Variants in LMNB1 observed in about 807,000 individuals in gnomAD.
The protein encoded by LMNB1 is lamin-B1.
Under a neutral mutation model 67.1 loss-of-function variants are expected in LMNB1, and 23 were observed. The ratio of observed to expected loss-of-function variants is 0.34; its 90% CI spans 0.25 to 0.49. LMNB1 has a LOEUF of 0.49. LMNB1 is among the 20% of genes least tolerant of loss of function. The probability of loss-of-function intolerance (pLI) is 0.99; values close to 1 mark genes in which losing one functional copy is unlikely to be tolerated. For missense variants in LMNB1, 634 were observed against 746.5 expected (o/e 0.85, Z 1.76); for synonymous variants, 281 against 282.9 (o/e 0.99, Z 0.07).
chr5:126,807,876 T>TTTTTGTTTTTC (rs563617524), intron 3 of LMNB1, among the ~76,000 whole-genome samples: 8,392 of 48,288 alleles, frequency 0.17, 261 homozygotes, highest in Middle Eastern at 0.29. Flanking sequence ...TTTTGTTTTT[T>TTTTTGTTTTTC]TTAACTCTTT....
At chr5:126,793,792 C>T (rs1314018642) in intron 1 of LMNB1, among the ~76,000 whole-genome samples, 1 of 152,102 alleles carries the variant, frequency 6.6e-6, no homozygotes, top group African/African-American at 2.4e-5. Context: ...AGGAGAATCA[C>T]TTAAACCCGG....
chr5:126,779,308 G>C (rs1245211659), intron 1 of LMNB1, among the ~76,000 whole-genome samples: 1 of 152,126 alleles, frequency 6.6e-6, no homozygotes, highest in Non-Finnish European at 1.5e-5. Flanking sequence ...ATCCCTTTTT[G>C]TTTTTATTTC....
chr5:126,836,893 G>A lies in LMNB1; in HGVS notation c.*629G>A, dbSNP rs761208282. The A allele has an allele frequency of 5.0e-6, 2 of 397,246 alleles. No homozygotes were observed. The highest frequency in any genetic ancestry group is 8.9e-6 in the Non-Finnish European group (2 of 225,716). The allele number at this position is 397,246 out of a possible 1,614,324, so 24.6% of individuals were successfully genotyped here. A position where few individuals can be genotyped will look rare whatever the true frequency, so the allele number is the denominator to read the frequency against. On this transcript the variant is annotated 3_prime_UTR_variant, in exon 11 of 11. Transcript: ENST00000261366. ...TAGATTCTTAATTCATGAGGAGGGT[G>A]GGGGAGGGAGGTGGAGGGAGGGAAG...
rs1561742458 is a variant in LMNB1 at position 126,800,969 on chromosome 5, AT to A, written c.360-3806del. Reference sequence around the variant, plus strand: ...AGCCAGACTATATATATATATATATATATATATATATAATTTTTTTTTTTTT... The same window carrying A: ...AGCCAGACTATATATATATATATATAATATATATATAATTTTTTTTTTTTT... On this transcript the variant is annotated intron_variant, in intron 1 of 10. Transcript: ENST00000261366. 4.5e-3 allele frequency among the ~76,000 whole-genome samples: 273 copies of A among 60,878 alleles called. 3 individuals carry two copies. Among genetic ancestry groups the A allele is most frequent in the African/African-American group, 0.012 (240 of 19,396 alleles). The allele number at this position is 60,878 out of a possible 152,430, so 39.9% of individuals were successfully genotyped here.
upstream of LMNB1, chr5:126,776,849 G>C (rs1317869763): frequency 6.6e-6 from 1 of 152,222 alleles, no homozygotes; most frequent in African/African-American, 2.4e-5. Flanking sequence ...AGCCGCGCGG[G>C]TGGGCAGTCC....
At chr5:126,782,642 T>G (rs1750659126) in intron 1 of LMNB1, among the ~76,000 whole-genome samples, 1 of 152,014 alleles carries the variant, frequency 6.6e-6, no homozygotes, top group African/African-American at 2.4e-5. Flanking sequence ...CTCTGCCTCC[T>G]GGGTTCAAGC....
rs375398453 is a variant in LMNB1 at position 126,819,116 on chromosome 5, G to A, written c.1134G>A (p.Arg378=). Residue 378 remains arginine, a synonymous_variant, in exon 6 of 11, where the codon AGG becomes AGA. Coordinates refer to ENST00000261366, the MANE Select transcript of LMNB1 (RefSeq NM_005573.4). ...TGGACATGGAAATCAGTGCTTACAG[G>A]AAACTCTTAGAAGGCGAAGAAGAGA... ...LALDMEISAY[R]KLLEGEEERL... The A allele has an allele frequency of 8.7e-6, 14 of 1,613,880 alleles. No individual in the cohort carries two copies. In the African/African-American group the frequency reaches 1.7e-4, roughly 20 times the overall value.
At chr5:126,783,148 C>T (rs1030417044) in intron 1 of LMNB1, among the ~76,000 whole-genome samples, 3 of 151,832 alleles carry the variant, frequency 2.0e-5, no homozygotes, top group Non-Finnish European at 4.4e-5. Flanking sequence ...TGTAGTGAGC[C>T]AAGATCGTAC....
At chr5:126,820,866 G>A (rs775533775) in intron 6 of LMNB1, 44 bp from the exon 7 acceptor site, 3 of 1,393,158 alleles carry the variant, frequency 2.2e-6, no homozygotes, top group Admixed American at 3.6e-5. Flanking sequence ...GGCGAGAAGG[G>A]CATATGTGTT....
chr5:126,777,284 C>G lies in LMNB1; in HGVS notation c.-225C>G, dbSNP rs1750480540. ...GTGTTTTCTTACAAAGGGTATTTCG[C>G]GATCGATCGATTGATTCGTAGTTCC... On this transcript the variant is annotated 5_prime_UTR_variant, in exon 1 of 11. Transcript: ENST00000261366. 1 of 383,856 alleles carries G rather than the reference C, an allele frequency of 2.6e-6. No individual in the cohort carries two copies. Among genetic ancestry groups the G allele is most frequent in the Admixed American group, 4.6e-5 (1 of 21,556 alleles). 23.8% of individuals were successfully genotyped at this position (383,856 alleles called of 1,614,324 possible). A position where few individuals can be genotyped will look rare whatever the true frequency, so the allele number is the denominator to read the frequency against.
chr5:126,830,050 T>C (rs60612178), intron 9 of LMNB1, among the ~76,000 whole-genome samples: 3,268 of 152,380 alleles, frequency 0.021, 59 homozygotes, highest in African/African-American at 0.052. Context: ...CTTATATATG[T>C]AGAGATGCAA....
intron 1 of LMNB1, among the ~76,000 whole-genome samples, chr5:126,804,140 A>G (rs902441810): frequency 4.0e-5 from 6 of 151,068 alleles, no homozygotes; most frequent in African/African-American, 1.5e-4. Flanking sequence ...TTGTGCAGTC[A>G]TGGCTCACTG....
Position 126,821,149 on chromosome 5 carries a change from C to A in LMNB1, c.1386+14C>A, listed in dbSNP as rs373583264. Reference sequence around the variant, plus strand: ...ACTTCTGAACAGGTAATAAAATAGACCCTTTTTTTTCTAGCAAGGCTTTGT... The same window carrying A: ...ACTTCTGAACAGGTAATAAAATAGAACCTTTTTTTTCTAGCAAGGCTTTGT... On this transcript the variant is annotated intron_variant, in intron 7 of 10. Transcript: ENST00000261366. The A allele has an allele frequency of 6.4e-6, 10 of 1,554,242 alleles. No homozygotes were observed. The highest frequency in any genetic ancestry group is 1.4e-5 in the African/African-American group (1 of 73,616).
chr5:126,813,845 A>G (rs1174228169), intron 5 of LMNB1, among the ~76,000 whole-genome samples: 1 of 152,146 alleles, frequency 6.6e-6, no homozygotes, highest in Non-Finnish European at 1.5e-5. Context: ...TAAACATGAA[A>G]TTTGTGGGAA....
At chr5:126,819,454 T>A (rs1751805932) in intron 6 of LMNB1, among the ~76,000 whole-genome samples, 1 of 141,518 alleles carries the variant, frequency 7.1e-6, no homozygotes, top group South Asian at 2.3e-4. Context: ...AAAGAGACTT[T>A]ACATATTATT....
chr5:126,777,902 G>C, intron 1 of LMNB1, 35 bp downstream of exon 1: 1 of 1,383,582 alleles, frequency 7.2e-7, no homozygotes, highest in Non-Finnish European at 9.3e-7. Flanking sequence ...TAGCGCCAAG[G>C]AGGGGCGGGG....
intron 5 of LMNB1, among the ~76,000 whole-genome samples, chr5:126,812,819 C>T (rs1469156891): frequency 6.6e-6 from 1 of 150,668 alleles, no homozygotes; most frequent in East Asian, 1.9e-4. Context: ...TGAGCTCCGC[C>T]TCCCGGGTTC....
Position 126,819,061 on chromosome 5 carries a change from A to G in LMNB1, c.1079A>G (p.Tyr360Cys), listed in dbSNP as rs776640915. ...RDQMQQQLNDYEQLLDVKLAL... is the reference protein window; with the variant it reads ...RDQMQQQLNDCEQLLDVKLAL... ...CAAATGCAGCAACAGCTGAATGACTATGAACAGCTTCTTGATGTAAAGTTA... is the reference window on the plus strand; with the variant it reads ...CAAATGCAGCAACAGCTGAATGACTGTGAACAGCTTCTTGATGTAAAGTTA... The change falls in exon 6 of 11, where the codon TAT (tyrosine) becomes TGT (cysteine). Residue 360 changes from tyrosine (Y) to cysteine (C), a missense_variant. Tyr to Cys is a radical substitution (Grantham distance 194, BLOSUM62 -2). Transcript: ENST00000261366. 14 of 1,614,100 alleles carry G rather than the reference A, an allele frequency of 8.7e-6. No individual in the cohort carries two copies. In the East Asian group the frequency reaches 1.3e-4, roughly 15 times the overall value.
chr5:126,820,761 A>C, intron 6 of LMNB1, 149 bp from the exon 7 acceptor site: 1 of 617,606 alleles, frequency 1.6e-6, no homozygotes, highest in South Asian at 2.0e-5. Context: ...CCTGACCTCA[A>C]GCAATCCACC....
Sources: allele counts gnomAD v4.1 joint callset (sites outside exome capture counted in the v4.1 genomes callset), GRCh38; gene constraint gnomAD v4.1.1; transcripts MANE v1.5; gene names NCBI Gene and HGNC (gene_info 2026-07-23, HGNC 2026-07-21).